Variants in CRTAC1 observed in about 807,000 individuals in gnomAD.
CRTAC1 encodes acidic secreted protein in cartilage.
Under a neutral mutation model 67.8 loss-of-function variants are expected in CRTAC1, and 37 were observed. That is an observed-to-expected ratio of 0.55 (90% CI 0.42 to 0.72). The LOEUF (loss-of-function observed/expected upper bound fraction) is 0.72. CRTAC1 is among the 30% of genes least tolerant of loss of function. CRTAC1 has a pLI of 0.00. For missense variants in CRTAC1, 780 were observed against 931.6 expected (o/e 0.84, Z 2.12); for synonymous variants, 348 against 371.0 (o/e 0.94, Z 0.71).
chr10:97,959,680 C>G (rs2051493251), intron 2 of CRTAC1, among the ~76,000 whole-genome samples: 1 of 152,240 alleles, frequency 6.6e-6, no homozygotes, highest in Non-Finnish European at 1.5e-5. Flanking sequence ...AACTCACCGC[C>G]ACTGGGCCAT....
intron 2 of CRTAC1, among the ~76,000 whole-genome samples, chr10:97,992,603 T>A (rs1180050485): frequency 1.3e-5 from 2 of 152,218 alleles, no homozygotes; most frequent in African/African-American, 2.4e-5. Context: ...TAAAGTATTA[T>A]TTGGCCTTAA....
Position 97,919,028 on chromosome 10 carries a change from ACCACC to A in CRTAC1, c.559-1377_559-1373del, listed in dbSNP as rs1235641851. On this transcript the variant is annotated intron_variant, in intron 4 of 14. Transcript: ENST00000370597. Reference sequence around the variant, plus strand: ...TCGAACTTCTGACCTCAAGTGATCCACCACCCCCCCCCGCCTCAGCCTCCCAAAGT... The same window carrying A: ...TCGAACTTCTGACCTCAAGTGATCCACCCCCCCGCCTCAGCCTCCCAAAGT... Among the ~76,000 whole-genome samples, 366 of 73,340 alleles carry A rather than the reference ACCACC, an allele frequency of 5.0e-3. 2 individuals are homozygous for A. Among genetic ancestry groups the A allele is most frequent in the African/African-American group, 0.014 (358 of 25,712 alleles). 48.1% of individuals were successfully genotyped at this position (73,340 alleles called of 152,430 possible).
Position 97,975,087 on chromosome 10 carries a change from G to A in CRTAC1, c.224+36051C>T, listed in dbSNP as rs941012661. On this transcript the variant is annotated intron_variant, in intron 2 of 14. Transcript: ENST00000370597. This position sits in a 1 kb window ranked among gnomAD's most constrained non-coding sequence, Gnocchi z 4.8. ...CCGGGTGGCGGTGGAGGGCCGGCCC[G>A]GGAGGAGCGGCGGAGGGGCCGGAGC... Among the ~76,000 whole-genome samples the A allele has an allele frequency of 2.0e-5, 3 of 152,086 alleles. No homozygotes were observed. The highest frequency in any genetic ancestry group is 2.9e-5 in the Non-Finnish European group (2 of 68,010).
Position 97,936,330 on chromosome 10 carries a change from C to T in CRTAC1, c.261G>A (p.Arg87=). 1.2e-6 allele frequency: 2 copies of T among 1,612,924 alleles called. No homozygotes were observed. Among genetic ancestry groups the T allele is most frequent in the East Asian group, 2.2e-5 (1 of 44,830 alleles). The change falls in exon 3 of 15, where the codon CGG becomes CGA. Residue 87 remains arginine (R), a synonymous_variant. Transcript: ENST00000370597. ...CGATGTTCACCAGCCGCTTCTGGGCCCGGTCATACTTCAGAACCAGGTTGG... is the reference window on the plus strand; with the variant it reads ...CGATGTTCACCAGCCGCTTCTGGGCTCGGTCATACTTCAGAACCAGGTTGG... ...NGPNLVLKYD[R]AQKRLVNIAV...
intron 2 of CRTAC1, among the ~76,000 whole-genome samples, chr10:97,952,964 C>T (rs745835779): frequency 7.9e-5 from 12 of 152,222 alleles, no homozygotes; most frequent in Non-Finnish European, 1.8e-4. Context: ...CTGCCTCCAT[C>T]CTTCCCAGTT....
intron 2 of CRTAC1, among the ~76,000 whole-genome samples, chr10:97,936,620 G>A (rs2051094008): frequency 6.6e-6 from 1 of 152,242 alleles, no homozygotes; most frequent in Non-Finnish European, 1.5e-5. Flanking sequence ...AAGCAGCAGG[G>A]TGGCAGAGGG....
Position 97,895,497 on chromosome 10 carries a change from GGA to G in CRTAC1, c.1318-86_1318-85del, listed in dbSNP as rs2050445132. ...CAGGGAGCCAGGGAGGACGGGAGGG[GGA>G]GAGGGAGAAGAAGGAGGAAGAGAAG... On this transcript the variant is annotated intron_variant, in intron 10 of 14. Transcript: ENST00000370597. The surrounding 1 kb of genome is among the most constrained non-coding windows in gnomAD (Gnocchi z 4.2). 1.6e-6 allele frequency: 2 copies of G among 1,237,684 alleles called. No individual in the cohort carries two copies. Among genetic ancestry groups the G allele is most frequent in the Non-Finnish European group, 2.2e-6 (2 of 893,316 alleles). 76.7% of individuals were successfully genotyped at this position (1,237,684 alleles called of 1,614,324 possible).
chr10:97,919,095 A>G (rs1228556812), intron 4 of CRTAC1, among the ~76,000 whole-genome samples: 5 of 151,992 alleles, frequency 3.3e-5, no homozygotes, highest in South Asian at 4.2e-4. Context: ...TGCTTGGCCA[A>G]TCTTTGAAGG....
At chr10:97,913,956 A>G (rs2050724160) in intron 5 of CRTAC1, among the ~76,000 whole-genome samples, 1 of 152,128 alleles carries the variant, frequency 6.6e-6, no homozygotes, top group Non-Finnish European at 1.5e-5. Flanking sequence ...GCTTTGTTCC[A>G]TACTGCTCCC....
At chr10:97,944,633 C>T (rs545863998) in intron 2 of CRTAC1, among the ~76,000 whole-genome samples, 192 of 152,288 alleles carry the variant, frequency 1.3e-3, no homozygotes, top group Middle Eastern at 6.8e-3. Context: ...CTCATGAAGA[C>T]ATGGAGTCTA....
intron 2 of CRTAC1, among the ~76,000 whole-genome samples, chr10:97,992,858 A>T (rs908910609): frequency 1.3e-5 from 2 of 152,210 alleles, no homozygotes; most frequent in Admixed American, 6.5e-5. Flanking sequence ...AGTTCAACAG[A>T]TCTATTGTAT....
At chr10:98,015,550 G>T (rs1388126334) in intron 1 of CRTAC1, among the ~76,000 whole-genome samples, 1 of 152,122 alleles carries the variant, frequency 6.6e-6, no homozygotes, top group South Asian at 2.1e-4. Flanking sequence ...TAATGCCTGG[G>T]TCTCATCTCA....
chr10:97,934,680 A>G (rs757529914), intron 3 of CRTAC1, among the ~76,000 whole-genome samples: 18 of 152,110 alleles, frequency 1.2e-4, no homozygotes, highest in Admixed American at 2.0e-4. Flanking sequence ...CCAGGCAGTC[A>G]CCGGCCTCCA....
chr10:97,906,367 C>T (rs1184946429), intron 6 of CRTAC1, among the ~76,000 whole-genome samples: 6 of 152,320 alleles, frequency 3.9e-5, no homozygotes, highest in East Asian at 3.9e-4. Context: ...TTCCCTTTCA[C>T]GGGAATAATC....
intron 2 of CRTAC1, among the ~76,000 whole-genome samples, chr10:97,990,654 A>C (rs1340473890): frequency 6.6e-6 from 1 of 152,238 alleles, no homozygotes; most frequent in South Asian, 2.1e-4. Flanking sequence ...TCTTTAATCC[A>C]TCAGGCACAT....
intron 8 of CRTAC1, among the ~76,000 whole-genome samples, chr10:97,899,835 C>A (rs2050509147): frequency 6.6e-6 from 1 of 152,168 alleles, no homozygotes; most frequent in African/African-American, 2.4e-5. Flanking sequence ...GCACACCCTC[C>A]TTTCCCCACC....
rs762333728 is a variant in CRTAC1, at chr10:97,880,358, G to C, written c.1710C>G (p.Cys570Trp). The C allele has an allele frequency of 6.2e-7, 1 of 1,614,016 alleles. No individual in the cohort carries two copies. The change falls in exon 14 of 15, where the codon TGC becomes TGG. Residue 570 changes from cysteine (C) to tryptophan (W), a missense_variant. Physicochemically the swap from Cys to Trp is radical, Grantham distance 215 (BLOSUM62 -2). Transcript: ENST00000370597. ...TGACACATACGGGCTTGTCTCGAGG[G>C]CACACGAATGGGAACTGGATGCATT... The part of the protein sequence containing the change: ...TNECIQFPFV[C>W]PRDKPVCVNT...
chr10:97,882,799 A>G lies in CRTAC1; in HGVS notation c.1662T>C (p.Asn554=). The part of the protein sequence containing the change: ...ECGQGFSQQE[N]GHCMDTNECI... Reference sequence around the variant, plus strand: ...AAGGCAACTCACCCATGCAATGGCCATTTTCCTGCTGGGAGAATCCTTGGC... The same window carrying G: ...AAGGCAACTCACCCATGCAATGGCCGTTTTCCTGCTGGGAGAATCCTTGGC... Residue 554 remains asparagine, a synonymous_variant, in exon 13 of 15, where the codon AAT becomes AAC. Coordinates refer to ENST00000370597, the MANE Select transcript of CRTAC1 (RefSeq NM_018058.7). The G allele has an allele frequency of 6.2e-7, 1 of 1,614,122 alleles. No individual in the cohort carries two copies. The highest frequency in any genetic ancestry group is 8.5e-7 in the Non-Finnish European group (1 of 1,180,038).
chr10:97,967,130 A>T (rs970553775), intron 2 of CRTAC1, among the ~76,000 whole-genome samples: 2 of 151,884 alleles, frequency 1.3e-5, no homozygotes, highest in Non-Finnish European at 2.9e-5. Flanking sequence ...TATCTGGGAG[A>T]TTTGTCTATT....
Sources: gnomAD v4.1 joint callset for allele counts (sites outside exome capture counted in the v4.1 genomes callset) on GRCh38, gnomAD v4.1.1 for gene constraint, Gnocchi (gnomAD v3.1) non-coding constraint, MANE v1.5 for transcripts, NCBI Gene and HGNC (gene_info 2026-07-23, HGNC 2026-07-21) for gene names.